SH2D3C: variants seen among roughly 807,000 people sequenced by gnomAD.
The protein encoded by SH2D3C is SH2 domain containing 3C, also known as SH2 domain-containing protein 3C.
SH2D3C carries 25 observed loss-of-function variants against 75.2 expected under a neutral mutation model. That is an observed-to-expected ratio of 0.33 (90% CI 0.24 to 0.46). The LOEUF (loss-of-function observed/expected upper bound fraction) is 0.46, where lower values mean the gene tolerates loss of function less well. SH2D3C is among the 20% of genes least tolerant of loss of function. SH2D3C has a pLI of 1.00. For missense variants in SH2D3C, 933 were observed against 1,165.3 expected (o/e 0.80, Z 2.90); for synonymous variants, 450 against 473.7 (o/e 0.95, Z 0.65).
chr9:127,766,888 C>G (rs1409381698), intron 2 of SH2D3C: 31 of 1,510,386 alleles, frequency 2.1e-5, no homozygotes, highest in Non-Finnish European at 2.7e-5. Flanking sequence ...CCTTCACGCC[C>G]ATCTTCACTC....
At chr9:127,748,911 G>A (rs1413999538) in intron 5 of SH2D3C, among the ~76,000 whole-genome samples, 1 of 152,172 alleles carries the variant, frequency 6.6e-6, no homozygotes, top group African/African-American at 2.4e-5. Flanking sequence ...GGGGTAGGGA[G>A]GGCTGCTTGA....
At chr9:127,755,434 C>T in intron 3 of SH2D3C, 1 of 262,254 alleles carries the variant, frequency 3.8e-6, no homozygotes, top group Non-Finnish European at 7.2e-6. Context: ...CTCGGGCTGC[C>T]TGGAGCTGCG....
chr9:127,760,990 C>T (rs904439543), intron 3 of SH2D3C, among the ~76,000 whole-genome samples: 1 of 152,060 alleles, frequency 6.6e-6, no homozygotes, highest in African/African-American at 2.4e-5. Flanking sequence ...CAGGCACGCA[C>T]CACCACTTCT....
In SH2D3C at chr9:127,741,973, G is replaced by A. The variant is rs779228304; in HGVS notation, c.1917-14C>T. 2.6e-5 allele frequency: 42 copies of A among 1,597,134 alleles called. No individual in the cohort carries two copies. Among genetic ancestry groups the A allele is most frequent in the Non-Finnish European group, 3.5e-5 (41 of 1,171,316 alleles). ...ATGGTGTGGAACCTGTCAGAGCGGCGGGGTCAGAGGCGGCGGGCTCGGGGA... is the reference window on the plus strand; with the variant it reads ...ATGGTGTGGAACCTGTCAGAGCGGCAGGGTCAGAGGCGGCGGGCTCGGGGA... On this transcript the variant is annotated splice_polypyrimidine_tract_variant and intron_variant, in intron 8 of 11. Coordinates refer to ENST00000314830, the MANE Select transcript of SH2D3C (RefSeq NM_170600.3).
intron 1 of SH2D3C, among the ~76,000 whole-genome samples, chr9:127,775,860 G>A (rs1377099250): frequency 2.6e-5 from 4 of 151,606 alleles, no homozygotes. Context: ...ACAGAGTCTC[G>A]CTCTGTCACC....
chr9:127,741,518 T>C (rs1399842865), intron 9 of SH2D3C, among the ~76,000 whole-genome samples: 1 of 152,234 alleles, frequency 6.6e-6, no homozygotes, highest in Non-Finnish European at 1.5e-5. Flanking sequence ...ATTACAGGCA[T>C]GAGCCACGGC....
chr9:127,755,378 G>A (rs906026173), intron 3 of SH2D3C: 3 of 357,030 alleles, frequency 8.4e-6, no homozygotes, highest in African/African-American at 2.2e-5. Context: ...CCCTCCGCCC[G>A]CCCCCCGCTC....
rs1169885154 is a variant in SH2D3C, at chr9:127,761,650, C to A, written c.516G>T (p.Arg172Ser). Residue 172 changes from arginine (R) to serine (S), a missense_variant and splice_region_variant, in exon 3 of 12, where the codon AGG becomes AGT. By Grantham distance (110) the Arg-to-Ser change is moderately radical. Transcript: ENST00000314830. ...ERPPRDVHSE[R>S]AAGEPEAGSD... ...TGCCAGCCTCTGGCTCTCCAGCAGC[C>A]CTGGAAGGAGAAAAGACAAGTGAGC... 1.2e-6 allele frequency: 2 copies of A among 1,611,462 alleles called. No homozygotes were observed. The highest frequency in any genetic ancestry group is 1.7e-6 in the Non-Finnish European group (2 of 1,178,738).
intron 1 of SH2D3C, among the ~76,000 whole-genome samples, chr9:127,775,983 C>T (rs1033746760): frequency 2.0e-5 from 3 of 152,074 alleles, no homozygotes; most frequent in East Asian, 2.0e-4. Context: ...CACGTGCCAC[C>T]ACGCCCAACT....
At chr9:127,747,364 G>A (rs1845063728) in intron 5 of SH2D3C, 93 bp from the exon 6 acceptor site, 1 of 1,239,664 alleles carries the variant, frequency 8.1e-7, no homozygotes, top group Admixed American at 2.7e-5. Flanking sequence ...TTGAACTTCA[G>A]AGGCAGAGAA....
chr9:127,755,317 G>A, intron 3 of SH2D3C: 1 of 875,682 alleles, frequency 1.1e-6, no homozygotes, highest in Non-Finnish European at 1.5e-6. Context: ...GGCGGGGCGG[G>A]GAGACCCCAC....
At chr9:127,761,474 G>A (rs1197615514) in intron 3 of SH2D3C, 137 bp downstream of exon 3, 4 of 600,660 alleles carry the variant, frequency 6.7e-6, no homozygotes, top group African/African-American at 5.8e-5. Flanking sequence ...CCTCGACTCC[G>A]AGAACCTCCC....
intron 6 of SH2D3C, 62 bp downstream of exon 6, chr9:127,747,085 G>C: frequency 2.6e-6 from 4 of 1,562,820 alleles, no homozygotes; most frequent in Non-Finnish European, 3.5e-6. Flanking sequence ...ACCACACATA[G>C]GTGACAGAAG....
intron 2 of SH2D3C, chr9:127,771,175 C>G (rs1156606010): frequency 1.4e-5 from 21 of 1,540,144 alleles, no homozygotes; most frequent in Non-Finnish European, 1.8e-5. Context: ...AGGCCCAGCT[C>G]GGTCACTCAC....
At position 127,744,848 on chromosome 9, in the gene SH2D3C, G is replaced by A. The variant is rs1156611883; in HGVS notation, c.1516C>T (p.Arg506Ter). Reference protein sequence around the residue: ...CQLQPPVRGSREWAATETSSQ... With the variant: ...CQLQPPVRGS ...GAGGTCTCAGTCGCTGCCCACTCTC[G>A]GCTGCCACGCACGGGAGGCTGGAGC... Residue 506 changes from arginine (R) to a stop codon, truncating the protein, a stop_gained, in exon 7 of 12, where the codon CGA becomes TGA. Transcript: ENST00000314830. LOFTEE classifies it high-confidence loss of function. 1.9e-6 allele frequency: 3 copies of A among 1,613,964 alleles called. No individual in the cohort carries two copies. Among genetic ancestry groups the A allele is most frequent in the Non-Finnish European group, 2.5e-6 (3 of 1,180,026 alleles).
Position 127,751,408 on chromosome 9 carries a change from A to C in SH2D3C, c.556-108T>G. Reference sequence around the variant, plus strand: ...ACTCCTCCTATCCTGGGACTCTGGGAACACTAAGGCACAGGTGCCAGACCC... The same window carrying C: ...ACTCCTCCTATCCTGGGACTCTGGGCACACTAAGGCACAGGTGCCAGACCC... On this transcript the variant is annotated intron_variant, in intron 3 of 11. Coordinates refer to ENST00000314830, the MANE Select transcript of SH2D3C (RefSeq NM_170600.3). The surrounding 1 kb of genome is among the most constrained non-coding windows in gnomAD (Gnocchi z 4.1). 1 of 1,090,310 alleles carries C rather than the reference A, an allele frequency of 9.2e-7. No homozygotes were observed. The highest frequency in any genetic ancestry group is 1.4e-6 in the Non-Finnish European group (1 of 731,268). 67.5% of individuals were successfully genotyped at this position (1,090,310 alleles called of 1,614,324 possible).
chr9:127,774,556 A>T lies in SH2D3C; in HGVS notation c.38-89T>A. On this transcript the variant is annotated intron_variant, in intron 1 of 11. Transcript: ENST00000314830. The surrounding 1 kb of genome is among the most constrained non-coding windows in gnomAD (Gnocchi z 4.3). ...ACAATTCCTGCAGTTTCACTCGGTG[A>T]GGGGCTGAAGAGGGCTGGCGGTTTC... 1.3e-6 allele frequency: 1 copy of T among 747,264 alleles called. No homozygotes were observed. The highest frequency in any genetic ancestry group is 2.5e-5 in the East Asian group (1 of 39,944). 46.3% of individuals were successfully genotyped at this position (747,264 alleles called of 1,614,324 possible). A position where few individuals can be genotyped will look rare whatever the true frequency, so the allele number is the denominator to read the frequency against.
At chr9:127,765,570 C>T (rs1845618522) in intron 2 of SH2D3C, among the ~76,000 whole-genome samples, 1 of 152,126 alleles carries the variant, frequency 6.6e-6, no homozygotes, top group South Asian at 2.1e-4. Context: ...TGCACTCTGG[C>T]CTCCTCAAAC....
intron 2 of SH2D3C, chr9:127,771,411 A>C: frequency 7.8e-7 from 1 of 1,289,948 alleles, no homozygotes; most frequent in Non-Finnish European, 9.9e-7. Context: ...CGCCTACTCC[A>C]CCGGCAGGGA....
Sources: allele counts gnomAD v4.1 joint callset (sites outside exome capture counted in the v4.1 genomes callset), GRCh38; gene constraint gnomAD v4.1.1; non-coding constraint Gnocchi (gnomAD v3.1); transcripts MANE v1.5; gene names NCBI Gene and HGNC (gene_info 2026-07-23, HGNC 2026-07-21).